The following SIX4 variants were observed in gnomAD, a reference collection of about 807,000 sequenced individuals.
The protein encoded by SIX4 is homeobox protein SIX4.
Under a neutral mutation model 51.5 loss-of-function variants are expected in SIX4, and 23 were observed. The observed-to-expected ratio is 0.45, with a 90% confidence interval of 0.32 to 0.63. SIX4 has a LOEUF of 0.63. SIX4 is among the 30% of genes least tolerant of loss of function. The pLI is 0.04. For synonymous variants in SIX4, 413 were observed against 417.3 expected (o/e 0.99, Z 0.13); for missense variants, 867 against 984.0 (o/e 0.88, Z 1.59).
At position 60,710,032 on chromosome 14, in the gene SIX4, G is replaced by A. The variant is rs1004461305; in HGVS notation, c.*3375C>T. The A allele has an allele frequency of 2.2e-4, 33 of 152,588 alleles. No homozygotes were observed. The highest frequency in any genetic ancestry group is 2.2e-3 in the Admixed American group (33 of 15,276). 9.5% of individuals were successfully genotyped at this position (152,588 alleles called of 1,614,324 possible). A position where few individuals can be genotyped will look rare whatever the true frequency, so the allele number is the denominator to read the frequency against. Reference sequence around the variant, plus strand: ...GAGTTTAAAATATCTTTTGTGAAATGTAACTATTTCCCCATAGTTTTCCTG... The same window carrying A: ...GAGTTTAAAATATCTTTTGTGAAATATAACTATTTCCCCATAGTTTTCCTG... On this transcript the variant is annotated 3_prime_UTR_variant, in exon 3 of 3. Transcript: ENST00000216513.
chr14:60,718,829 T>G (rs1207242837), intron 2 of SIX4, among the ~76,000 whole-genome samples: 1 of 151,816 alleles, frequency 6.6e-6, no homozygotes, highest in Non-Finnish European at 1.5e-5. Flanking sequence ...TTTGGGGGGG[T>G]GGTAAAACCA....
Position 60,720,094 on chromosome 14 carries a change from T to G in SIX4, c.1215A>C (p.Ile405=). ...TAGACCCCAGTATGTCAGTCATGGA[T>G]ATACCATTGCTCACAATGTTTGATG... ...KMSSNIVSNG[I]SMTDILGSTS... The change falls in exon 2 of 3, where the codon ATA becomes ATC. Residue 405 remains isoleucine, a synonymous_variant. Transcript: ENST00000216513. The surrounding 1 kb of genome is among the most constrained non-coding windows in gnomAD (Gnocchi z 5.5). The G allele has an allele frequency of 6.2e-7, 1 of 1,614,246 alleles. No individual in the cohort carries two copies.
intron 2 of SIX4, among the ~76,000 whole-genome samples, chr14:60,714,910 CACCTCG>C (rs575110628): frequency 1.5e-3 from 223 of 151,434 alleles, no homozygotes; most frequent in African/African-American, 4.8e-3. Context: ...GTGATCCACC[CACCTCG>C]GCCTCCCAAA....
Position 60,723,811 on chromosome 14 carries a change from C to G in SIX4, c.264G>C (p.Ser88=). 1 of 1,538,568 alleles carries G rather than the reference C, an allele frequency of 6.5e-7. No individual in the cohort carries two copies. Among genetic ancestry groups the G allele is most frequent in the Non-Finnish European group, 8.7e-7 (1 of 1,148,896 alleles). ...CGTGGTGGTGCCTGCCCAGAAGTTC[C>G]GAGTGGAGTTGTACCTGATCCGCCG... The part of the protein sequence containing the change: ...GAAADQVQLH[S]ELLGRHHHAA... Residue 88 remains serine, a synonymous_variant, in exon 1 of 3, where the codon TCG becomes TCC. Transcript: ENST00000216513.
chr14:60,716,816 G>A (rs1438342136), intron 2 of SIX4, among the ~76,000 whole-genome samples: 1 of 152,090 alleles, frequency 6.6e-6, no homozygotes, highest in Admixed American at 6.6e-5. Context: ...AGTGCCACAG[G>A]GCTGTTTATG....
Position 60,719,690 on chromosome 14 carries a change from C to T in SIX4, c.1549+70G>A. ...AGAAACATCAATCTATAGCTATCAC[C>T]AAATGCGTCACTTACAGCAGCTGAT... On this transcript the variant is annotated intron_variant, in intron 2 of 2. Transcript: ENST00000216513. This position sits in a 1 kb window ranked among gnomAD's most constrained non-coding sequence, Gnocchi z 4.9. The T allele has an allele frequency of 6.7e-7, 1 of 1,488,710 alleles. No individual in the cohort carries two copies. The allele number at this position is 1,488,710 out of a possible 1,614,324, so 92.2% of individuals were successfully genotyped here.
rs1236208972 is a variant in SIX4 at position 60,722,587 on chromosome 14, G to A, written c.863+625C>T. On this transcript the variant is annotated intron_variant, in intron 1 of 2. Transcript: ENST00000216513. This position sits in a 1 kb window ranked among gnomAD's most constrained non-coding sequence, Gnocchi z 5.9. Reference sequence around the variant, plus strand: ...GCCGCTAAGGGAACCATAGGGGCAGGGTGAATGATTAACTCTGTCATATGA... The same window carrying A: ...GCCGCTAAGGGAACCATAGGGGCAGAGTGAATGATTAACTCTGTCATATGA... Among the ~76,000 whole-genome samples, 1 of 152,166 alleles carries A rather than the reference G, an allele frequency of 6.6e-6. No individual in the cohort carries two copies. The highest frequency in any genetic ancestry group is 2.4e-5 in the African/African-American group (1 of 41,448).
intron 1 of SIX4, chr14:60,721,164 A>G: frequency 1.0e-6 from 1 of 985,424 alleles, no homozygotes; most frequent in Non-Finnish European, 1.2e-6. Context: ...TGGGAGGGAA[A>G]GGGTGTCACT....
At chr14:60,723,021 C>T (rs1346418130) in intron 1 of SIX4, 191 bp downstream of exon 1, 17 of 1,316,686 alleles carry the variant, frequency 1.3e-5, no homozygotes, top group Non-Finnish European at 1.7e-5. Flanking sequence ...GAGGGAGGTT[C>T]CCCCGCCCCC....
rs762464402 is a variant in SIX4 at position 60,720,069 on chromosome 14, T to C, written c.1240A>G (p.Thr414Ala). 2 of 1,614,202 alleles carry C rather than the reference T, an allele frequency of 1.2e-6. No homozygotes were observed. Among genetic ancestry groups the C allele is most frequent in the Non-Finnish European group, 1.7e-6 (2 of 1,180,036 alleles). ...TTGAATTCCTTCACGTCCTGGGAAG[T>C]AGACCCCAGTATGTCAGTCATGGAT... Reference protein sequence around the residue: ...GISMTDILGSTSQDVKEFKVL... With the variant: ...GISMTDILGSASQDVKEFKVL... Residue 414 changes from threonine to alanine, a missense_variant, in exon 2 of 3, where the codon ACT becomes GCT. Physicochemically the swap from Thr to Ala is moderately conservative, Grantham distance 58. Transcript: ENST00000216513. The surrounding 1 kb of genome is among the most constrained non-coding windows in gnomAD (Gnocchi z 5.5).
chr14:60,720,457 G>A lies in SIX4; in HGVS notation c.864-12C>T, dbSNP rs1311615671. 9 of 1,602,186 alleles carry A rather than the reference G, an allele frequency of 5.6e-6. No individual in the cohort carries two copies. The South Asian group carries it at 1.0e-4, about 18-fold the overall frequency. On this transcript the variant is annotated splice_polypyrimidine_tract_variant and intron_variant, in intron 1 of 2. Coordinates refer to ENST00000216513, the MANE Select transcript of SIX4 (RefSeq NM_017420.5). This position sits in a 1 kb window ranked among gnomAD's most constrained non-coding sequence, Gnocchi z 5.5. ...TGCCATCTGACTCACTGTATGGAGG[G>A]GGAAATCAAAATGTTCAGAAGGTCA...
In SIX4 at chr14:60,710,614, G is replaced by A. The variant is rs937909096; in HGVS notation, c.*2793C>T. The A allele has an allele frequency of 2.6e-5, 4 of 152,592 alleles. No homozygotes were observed. The highest frequency in any genetic ancestry group is 1.3e-4 in the Admixed American group (2 of 15,276). The allele number at this position is 152,592 out of a possible 1,614,324, so 9.5% of individuals were successfully genotyped here. On this transcript the variant is annotated 3_prime_UTR_variant, in exon 3 of 3. Coordinates refer to ENST00000216513, the MANE Select transcript of SIX4 (RefSeq NM_017420.5). ...GCAGCATTTTCAAGCATTGGTTTAT[G>A]TAAGAGGGAAATTCTGCCACATGAC...
rs1895981993 is a variant in SIX4, at chr14:60,719,526, A to C, written c.1549+234T>G. Reference sequence around the variant, plus strand: ...GACTTGCTATGAACTGTATTTTTCCATTCAGTTGTTAGTAAAATAAAAGCC... The same window carrying C: ...GACTTGCTATGAACTGTATTTTTCCCTTCAGTTGTTAGTAAAATAAAAGCC... On this transcript the variant is annotated intron_variant, in intron 2 of 2. Transcript: ENST00000216513. This position sits in a 1 kb window ranked among gnomAD's most constrained non-coding sequence, Gnocchi z 4.9. 6.6e-6 allele frequency among the ~76,000 whole-genome samples: 1 copy of C among 152,176 alleles called. No homozygotes were observed. Among genetic ancestry groups the C allele is most frequent in the African/African-American group, 2.4e-5 (1 of 41,446 alleles).
intron 2 of SIX4, among the ~76,000 whole-genome samples, chr14:60,714,972 TAAAAA>T (rs11449594): frequency 0.014 from 1,817 of 129,332 alleles, 18 homozygotes; most frequent in Non-Finnish European, 0.02. Flanking sequence ...GCCCTTTCTT[TAAAAA>T]AAAAAAAAAA....
Position 60,720,483 on chromosome 14 carries a change from G to C in SIX4, c.864-38C>G. On this transcript the variant is annotated intron_variant, in intron 1 of 2. Coordinates refer to ENST00000216513, the MANE Select transcript of SIX4 (RefSeq NM_017420.5). The surrounding 1 kb of genome is among the most constrained non-coding windows in gnomAD (Gnocchi z 5.5). ...GGAAATCAAAATGTTCAGAAGGTCAGGGGGATGACATTCTACACAGTGCCA... is the reference window on the plus strand; with the variant it reads ...GGAAATCAAAATGTTCAGAAGGTCACGGGGATGACATTCTACACAGTGCCA... 6.4e-7 allele frequency: 1 copy of C among 1,569,782 alleles called. No individual in the cohort carries two copies. The highest frequency in any genetic ancestry group is 8.7e-7 in the Non-Finnish European group (1 of 1,154,002).
At chr14:60,714,448 T>A (rs1199147567) in intron 2 of SIX4, among the ~76,000 whole-genome samples, 2 of 152,114 alleles carry the variant, frequency 1.3e-5, no homozygotes, top group Admixed American at 1.3e-4. Flanking sequence ...AGTAAATATA[T>A]ATATAGATAT....
At position 60,714,203 on chromosome 14, in the gene SIX4, C is replaced by A. The variant is rs1366990479; in HGVS notation, c.1550G>T (p.Gly517Val). Residue 517 changes from glycine to valine, a missense_variant and splice_region_variant, in exon 3 of 3, where the codon GGT (glycine) becomes GTT (valine). Physicochemically the swap from Gly to Val is moderately radical, Grantham distance 109. Coordinates refer to ENST00000216513, the MANE Select transcript of SIX4 (RefSeq NM_017420.5). ...LPPVSVAASQGNISVSSSTSD... is the reference protein window; with the variant it reads ...LPPVSVAASQVNISVSSSTSD... ...AGTGCTTGAGCTTACTGAGATATTACCTAAAAAAAATAAAGTACTGATTAT... is the reference window on the plus strand; with the variant it reads ...AGTGCTTGAGCTTACTGAGATATTAACTAAAAAAAATAAAGTACTGATTAT... The A allele has an allele frequency of 6.4e-7, 1 of 1,563,686 alleles. No individual in the cohort carries two copies. Among genetic ancestry groups the A allele is most frequent in the Admixed American group, 2.1e-5 (1 of 48,242 alleles).
At position 60,723,830 on chromosome 14, in the gene SIX4, TCCGCCGCCGCTCCGG is replaced by T. The variant is rs773071443; in HGVS notation, c.230_244del (p.Ala77_Ala81del). 1.8e-5 allele frequency: 27 copies of T among 1,523,766 alleles called. No homozygotes were observed. The Middle Eastern group carries it at 6.2e-4, about 35-fold the overall frequency. 94.4% of individuals were successfully genotyped at this position (1,523,766 alleles called of 1,614,324 possible). On this transcript the variant is annotated inframe_deletion, in exon 1 of 3. Transcript: ENST00000216513. ...AAGTTCCGAGTGGAGTTGTACCTGA[TCCGCCGCCGCTCCGG>T]CCGCCGCCGCCGCCACTGCCCCTTC...
rs563726543 is a variant in SIX4, at chr14:60,711,220, A to G, written c.*2187T>C. On this transcript the variant is annotated 3_prime_UTR_variant, in exon 3 of 3. Coordinates refer to ENST00000216513, the MANE Select transcript of SIX4 (RefSeq NM_017420.5). ...AAACAAGCTCTATGAGTAGTAGTAG[A>G]GTGGAAAAGAACTCTCAAACACCTG... 1 of 152,630 alleles carries G rather than the reference A, an allele frequency of 6.6e-6. No homozygotes were observed. The highest frequency in any genetic ancestry group is 2.4e-5 in the African/African-American group (1 of 41,560). The allele number at this position is 152,630 out of a possible 1,614,324, so 9.5% of individuals were successfully genotyped here.
Sources: gnomAD v4.1 joint callset for allele counts (sites outside exome capture counted in the v4.1 genomes callset) on GRCh38, gnomAD v4.1.1 for gene constraint, Gnocchi (gnomAD v3.1) non-coding constraint, MANE v1.5 for transcripts, NCBI Gene and HGNC (gene_info 2026-07-23, HGNC 2026-07-21) for gene names.